Variants in OTC observed in about 807,000 individuals in gnomAD.
The protein encoded by OTC is ornithine transcarbamylase, mitochondrial.
Under a neutral mutation model 30.3 loss-of-function variants are expected in OTC, and 3 were observed. The observed-to-expected ratio is 0.10, with a 90% CI of 0.05 to 0.26. The LOEUF (loss-of-function observed/expected upper bound fraction) is 0.26. Among genes scored for constraint, OTC ranks in the 10% least tolerant of loss-of-function variants. The pLI, the probability that OTC is intolerant of heterozygous loss-of-function variation, is 1.00. For missense variants in OTC, 194 were observed against 260.3 expected (o/e 0.75, Z 1.75); for synonymous variants, 111 against 99.7 (o/e 1.11, Z -0.67).
rs751813967 is a variant in OTC, at chrX:38,384,404, A to G, written c.386+2975A>G. On this transcript the variant is annotated intron_variant, in intron 4 of 9. Transcript: ENST00000039007. ...TCATTACTGCTTAATCTGCCAAAAT[A>G]TCTGACAAACAAGATATGCTGGGAC... Among the ~76,000 whole-genome samples, 3 of 112,341 alleles carry G rather than the reference A, an allele frequency of 2.7e-5. No individual in the cohort carries two copies. In the East Asian group the frequency reaches 8.4e-4, roughly 31 times the overall value.
At chrX:38,403,350 A>G (rs1376147362) in intron 5 of OTC, among the ~76,000 whole-genome samples, 2 of 111,749 alleles carry the variant, frequency 1.8e-5, no homozygotes, top group African/African-American at 6.5e-5. Context: ...AATACAACTA[A>G]GACTCAGATT....
chrX:38,402,697 C>A (rs2068495617), intron 5 of OTC, among the ~76,000 whole-genome samples: 1 of 111,783 alleles, frequency 8.9e-6, no homozygotes, highest in East Asian at 2.8e-4. Flanking sequence ...TGAAGCCCAC[C>A]ATGTAACTCT....
At chrX:38,348,542 T>TTTC (rs1491348794), upstream of OTC, among the ~76,000 whole-genome samples, 1 of 14,904 alleles carries the variant, frequency 6.7e-5, no homozygotes, top group East Asian at 2.1e-3. Flanking sequence ...TTTTTTTTTC[T>TTTC]TTTTTTTTTT....
chrX:38,344,120 T>C, the OTC span, among the ~76,000 whole-genome samples: 1 of 110,881 alleles, frequency 9.0e-6, no homozygotes, highest in African/African-American at 3.3e-5. Flanking sequence ...CATTCCAGCC[T>C]GGGTGACAGA....
At chrX:38,400,935 G>A (rs951834178) in intron 4 of OTC, among the ~76,000 whole-genome samples, 6 of 112,404 alleles carry the variant, frequency 5.3e-5, no homozygotes, top group South Asian at 3.7e-4. Context: ...CCATATGGCA[G>A]GTCATTAATG....
the OTC span, among the ~76,000 whole-genome samples, chrX:38,328,237 G>A: frequency 8.9e-6 from 1 of 112,454 alleles, no homozygotes; most frequent in Non-Finnish European, 1.9e-5. Context: ...ATTTACGTAC[G>A]TTTGGTAGTT....
chrX:38,388,350 G>T (rs1271941468), intron 4 of OTC, among the ~76,000 whole-genome samples: 1 of 111,256 alleles, frequency 9.0e-6, no homozygotes, highest in East Asian at 2.8e-4. Flanking sequence ...CATACACATA[G>T]ATATTCAGTT....
chrX:38,345,020 C>A, the OTC span, among the ~76,000 whole-genome samples: 4 of 111,040 alleles, frequency 3.6e-5, no homozygotes, highest in African/African-American at 1.3e-4. Context: ...CAAGCCTGGG[C>A]AACATAGTGA....
the OTC span, among the ~76,000 whole-genome samples, chrX:38,331,564 G>A: frequency 3.5e-4 from 37 of 105,847 alleles, no homozygotes; most frequent in Admixed American, 3.1e-4. Context: ...GATTATAGGC[G>A]TGAGCCACCA....
chrX:38,352,557 T>A (rs2068223227), upstream of OTC: 1 of 510,798 alleles, frequency 2.0e-6, no homozygotes, highest in South Asian at 2.6e-5. Flanking sequence ...GGGACTTTGA[T>A]AAGGAAGCTG....
chrX:38,347,161 A>C, the OTC span, among the ~76,000 whole-genome samples: 2 of 111,934 alleles, frequency 1.8e-5, no homozygotes, highest in African/African-American at 6.5e-5. Flanking sequence ...CCTAAGCCAA[A>C]TTGTGTATTA....
At chrX:38,340,998 A>G in the OTC span, among the ~76,000 whole-genome samples, 2 of 111,062 alleles carry the variant, frequency 1.8e-5, no homozygotes, top group Non-Finnish European at 3.8e-5. Context: ...GGGTTTTACC[A>G]TGTTGGCCAG....
chrX:38,388,672 T>TG (rs2068416612), intron 4 of OTC, among the ~76,000 whole-genome samples: 1 of 111,775 alleles, frequency 8.9e-6, no homozygotes, highest in East Asian at 2.8e-4. Flanking sequence ...AGCTTCCCAG[T>TG]CATTTGTCTT....
chrX:38,398,795 G>A (rs1249595947), intron 4 of OTC, among the ~76,000 whole-genome samples: 1 of 111,747 alleles, frequency 8.9e-6, no homozygotes, highest in African/African-American at 3.3e-5. Flanking sequence ...TTTAGTAAGA[G>A]GACAAAGGCC....
chrX:38,396,402 T>C (rs760928093), intron 4 of OTC, among the ~76,000 whole-genome samples: 1 of 112,470 alleles, frequency 8.9e-6, no homozygotes, highest in Non-Finnish European at 1.9e-5. Context: ...ATCTTTCTTA[T>C]TGGCATTGTG....
chrX:38,395,256 A>G (rs1475017220), intron 4 of OTC: 1 of 112,287 alleles, frequency 8.9e-6, no homozygotes. Context: ...ATTTTAAGGC[A>G]ACTAACAAAT....
chrX:38,374,541 T>C, intron 3 of OTC, among the ~76,000 whole-genome samples: 1 of 111,348 alleles, frequency 9.0e-6, no homozygotes, highest in Middle Eastern at 4.6e-3. Context: ...ACTGCTGAAG[T>C]CTTTGGCTCC....
In OTC at chrX:38,415,147, C is replaced by T. The variant is rs188141984; in HGVS notation, c.1005+3148C>T. Among the ~76,000 whole-genome samples, 551 of 110,213 alleles carry T rather than the reference C, an allele frequency of 5.0e-3. 5 individuals carry two copies. The highest frequency in any genetic ancestry group is 0.017 in the African/African-American group (521 of 30,315). ...AGGTTGGAGTACAATGGCACGATCT[C>T]GGCTCACTGCAACCTCCGCCTCCTG... is the stretch of plus-strand genomic sequence containing the variant. On this transcript the variant is annotated intron_variant, in intron 9 of 9. Transcript: ENST00000039007.
chrX:38,346,181 A>G, the OTC span, among the ~76,000 whole-genome samples: 138 of 111,849 alleles, frequency 1.2e-3, no homozygotes, highest in Middle Eastern at 4.7e-3. Flanking sequence ...AGATAAATGG[A>G]CGGCAAATAA....
Sources: gnomAD v4.1 joint callset for allele counts (sites outside exome capture counted in the v4.1 genomes callset) on GRCh38, gnomAD v4.1.1 for gene constraint, MANE v1.5 for transcripts, NCBI Gene and HGNC (gene_info 2026-07-23, HGNC 2026-07-21) for gene names.